The following KIFAP3 variants were observed in gnomAD, a reference collection of about 807,000 sequenced individuals.
The protein encoded by KIFAP3 is kinesin associated protein 3, also known as kinesin-associated protein 3.
A neutral mutation model predicts 106.5 loss-of-function variants in KIFAP3; 68 were observed. The observed-to-expected ratio is 0.64, with a 90% CI of 0.53 to 0.78. The LOEUF is 0.78. KIFAP3 is among the 30% of genes least tolerant of loss of function. The probability of loss-of-function intolerance (pLI) is 0.00; values close to 1 mark genes in which losing one functional copy is unlikely to be tolerated. For synonymous variants in KIFAP3, 320 were observed against 311.5 expected, an observed-to-expected ratio of 1.03 and a Z score of -0.29; for missense variants, 780 against 941.8, an observed-to-expected ratio of 0.83 and a Z score of 2.25.
At chr1:169,965,723 G>A (rs986025254) in intron 17 of KIFAP3, among the ~76,000 whole-genome samples, 1 of 151,796 alleles carries the variant, frequency 6.6e-6, no homozygotes, top group Non-Finnish European at 1.5e-5. Flanking sequence ...TCTAACTTTA[G>A]CCTTCTTATC....
At chr1:170,073,398 T>A (rs1241938990) in intron 1 of KIFAP3, among the ~76,000 whole-genome samples, 1 of 152,256 alleles carries the variant, frequency 6.6e-6, no homozygotes, top group African/African-American at 2.4e-5. Context: ...ATCCCTTCTA[T>A]GAGTCTACTA....
chr1:170,083,555 T>C (rs886396288), intron 1 of KIFAP3, among the ~76,000 whole-genome samples: 4 of 152,254 alleles, frequency 2.6e-5, no homozygotes, highest in African/African-American at 9.6e-5. Context: ...ATAGTCTTTA[T>C]GTCCTAGAGT....
chr1:170,044,583 G>A (rs1670147084), intron 3 of KIFAP3, among the ~76,000 whole-genome samples: 1 of 152,144 alleles, frequency 6.6e-6, no homozygotes. Flanking sequence ...ATGCTCTTTG[G>A]GGCAATGTCA....
At chr1:170,074,365 T>C (rs1671835712) in intron 1 of KIFAP3, 71 bp downstream of exon 1, 1 of 1,563,614 alleles carries the variant, frequency 6.4e-7, no homozygotes, top group African/African-American at 1.4e-5. Context: ...CAGTGACATC[T>C]CACAGCCAAC....
chr1:169,997,506 C>T (rs1404264237), intron 10 of KIFAP3, among the ~76,000 whole-genome samples: 1 of 152,082 alleles, frequency 6.6e-6, no homozygotes, highest in East Asian at 1.9e-4. Context: ...ATAAGCTAGA[C>T]ACAGTTCAGA....
At chr1:169,970,587 ATTC>A (rs1665870080) in intron 17 of KIFAP3, among the ~76,000 whole-genome samples, 1 of 152,054 alleles carries the variant, frequency 6.6e-6, no homozygotes, top group Non-Finnish European at 1.5e-5. Context: ...AAATATTCCC[ATTC>A]TGTCTATATA....
At chr1:170,015,840 C>A (rs1668479086) in intron 10 of KIFAP3, among the ~76,000 whole-genome samples, 1 of 152,172 alleles carries the variant, frequency 6.6e-6, no homozygotes, top group African/African-American at 2.4e-5. Flanking sequence ...CTCTTCAACT[C>A]ACCTTGTCAT....
At position 169,928,699 on chromosome 1, in the gene KIFAP3, C is replaced by CAAAAAAAAAAAAAAAAAAAAAA. The variant is rs10690029; in HGVS notation, c.2274-6940_2274-6919dup. 7.3e-3 allele frequency among the ~76,000 whole-genome samples: 275 copies of CAAAAAAAAAAAAAAAAAAAAAA among 37,750 alleles called. 30 individuals are homozygous for CAAAAAAAAAAAAAAAAAAAAAA. Among genetic ancestry groups the CAAAAAAAAAAAAAAAAAAAAAA allele is most frequent in the Non-Finnish European group, 8.6e-3 (208 of 24,280 alleles). The allele number at this position is 37,750 out of a possible 152,430, so 24.8% of individuals were successfully genotyped here. A position where few individuals can be genotyped will look rare whatever the true frequency, so the allele number is the denominator to read the frequency against. Reference sequence around the variant, plus strand: ...AACAGAGTGAGTGAGACCCTGTCTCCAAAAAAAAAAAAAAAAAAAAAATTA... The same window carrying CAAAAAAAAAAAAAAAAAAAAAA: ...AACAGAGTGAGTGAGACCCTGTCTCCAAAAAAAAAAAAAAAAAAAAAAAAAAAAAAAAAAAAAAAAAAAATTA... On this transcript the variant is annotated intron_variant, in intron 19 of 19. Coordinates refer to ENST00000361580, the MANE Select transcript of KIFAP3 (RefSeq NM_014970.4).
chr1:170,037,613 T>G (rs1005390271), intron 5 of KIFAP3, among the ~76,000 whole-genome samples: 1 of 151,458 alleles, frequency 6.6e-6, no homozygotes, highest in African/African-American at 2.4e-5. Context: ...GGCACGTGCC[T>G]ATAATCCCAG....
intron 1 of KIFAP3, among the ~76,000 whole-genome samples, chr1:170,057,616 G>T (rs1460638396): frequency 6.6e-6 from 1 of 151,050 alleles, no homozygotes; most frequent in East Asian, 1.9e-4. Context: ...AACAGAAGAG[G>T]CTTAAGGGTA....
chr1:169,945,865 G>GAATAA (rs1184769908), intron 19 of KIFAP3, among the ~76,000 whole-genome samples: 1 of 152,130 alleles, frequency 6.6e-6, no homozygotes, highest in Non-Finnish European at 1.5e-5. Flanking sequence ...GCCGATGTGT[G>GAATAA]ATAATCTAAT....
chr1:169,939,002 G>A (rs1016785971), intron 19 of KIFAP3, among the ~76,000 whole-genome samples: 16 of 152,076 alleles, frequency 1.1e-4, no homozygotes, highest in African/African-American at 3.9e-4. Flanking sequence ...AAATAATGAA[G>A]GACTTTATAG....
chr1:170,081,471 A>C (rs1202602341), intron 1 of KIFAP3, among the ~76,000 whole-genome samples: 6 of 152,242 alleles, frequency 3.9e-5, no homozygotes, highest in Non-Finnish European at 8.8e-5. Context: ...CCACTGAGTT[A>C]AAAATCAAGA....
chr1:170,002,756 A>G (rs1252850664), intron 10 of KIFAP3, among the ~76,000 whole-genome samples: 4 of 152,222 alleles, frequency 2.6e-5, no homozygotes, highest in Non-Finnish European at 5.9e-5. Flanking sequence ...TAAATTATAT[A>G]TGAAAATGCT....
chr1:170,064,843 T>A (rs1301232672), intron 1 of KIFAP3, among the ~76,000 whole-genome samples: 1 of 152,264 alleles, frequency 6.6e-6, no homozygotes, highest in African/African-American at 2.4e-5. Flanking sequence ...ACCATACTCA[T>A]ATTCTTAGAA....
intron 10 of KIFAP3, among the ~76,000 whole-genome samples, chr1:170,000,209 C>A (rs978195873): frequency 6.6e-6 from 1 of 152,134 alleles, no homozygotes; most frequent in African/African-American, 2.4e-5. Flanking sequence ...TCCAGCCCAA[C>A]ACTGTGAAAA....
At position 169,958,504 on chromosome 1, in the gene KIFAP3, T is replaced by A. The variant is rs1318227903; in HGVS notation, c.2173+2542A>T. 5.3e-5 allele frequency among the ~76,000 whole-genome samples: 8 copies of A among 152,150 alleles called. No homozygotes were observed. The East Asian group carries it at 1.5e-3, about 29-fold the overall frequency. Reference sequence around the variant, plus strand: ...AAATAGATGTCAATAGTGTAGAGTATGAGAAAAAGAAATAACTAAAATGAT... The same window carrying A: ...AAATAGATGTCAATAGTGTAGAGTAAGAGAAAAAGAAATAACTAAAATGAT... On this transcript the variant is annotated intron_variant, in intron 18 of 19. Coordinates refer to ENST00000361580, the MANE Select transcript of KIFAP3 (RefSeq NM_014970.4).
chr1:169,976,145 A>G (rs1328153257), intron 16 of KIFAP3, among the ~76,000 whole-genome samples: 1 of 152,164 alleles, frequency 6.6e-6, no homozygotes, highest in African/African-American at 2.4e-5. Context: ...CCTGGTAGGT[A>G]CTTTAAATAC....
chr1:170,046,167 C>T (rs529409951), intron 3 of KIFAP3, among the ~76,000 whole-genome samples: 5 of 123,604 alleles, frequency 4.0e-5, no homozygotes, highest in African/African-American at 1.5e-4. Context: ...TTTCTCTCAT[C>T]TCCTAGTTTG....
Sources: allele counts gnomAD v4.1 joint callset (sites outside exome capture counted in the v4.1 genomes callset), GRCh38; gene constraint gnomAD v4.1.1; transcripts MANE v1.5; gene names NCBI Gene and HGNC (gene_info 2026-07-23, HGNC 2026-07-21).